ANKRD17: variants seen among roughly 807,000 people sequenced by gnomAD.
The protein encoded by ANKRD17 is ankyrin repeat domain 17.
ANKRD17 carries 19 observed loss-of-function variants against 229.7 expected under a neutral mutation model. The observed-to-expected ratio is 0.08, with a 90% CI of 0.06 to 0.12. ANKRD17 has a LOEUF of 0.12. Among genes scored for constraint, ANKRD17 ranks in the 10% least tolerant of loss-of-function variants. ANKRD17 has a pLI of 1.00. For missense variants in ANKRD17, 2,176 were observed against 3,176.8 expected (o/e 0.68, Z 7.57); for synonymous variants, 1,112 against 1,146.1 (o/e 0.97, Z 0.60).
intron 1 of ANKRD17, among the ~76,000 whole-genome samples, chr4:73,187,459 G>C (rs537791370): frequency 6.6e-6 from 1 of 152,160 alleles, no homozygotes; most frequent in East Asian, 1.9e-4. Flanking sequence ...ACATAAGGCC[G>C]AGTCACATTT....
intron 10 of ANKRD17, among the ~76,000 whole-genome samples, chr4:73,145,422 C>T (rs1050147476): frequency 3.3e-5 from 5 of 152,096 alleles, no homozygotes; most frequent in Non-Finnish European, 7.4e-5. Flanking sequence ...AGGATGGAGA[C>T]TCTACTGCAT....
intron 1 of ANKRD17, among the ~76,000 whole-genome samples, chr4:73,233,582 T>C (rs1436145803): frequency 2.6e-5 from 4 of 152,164 alleles, no homozygotes; most frequent in Non-Finnish European, 5.9e-5. Flanking sequence ...AGGCCCAAGA[T>C]TGCCACAGCA....
intron 1 of ANKRD17, among the ~76,000 whole-genome samples, chr4:73,177,743 T>C (rs1734930143): frequency 6.6e-6 from 1 of 152,184 alleles, no homozygotes; most frequent in South Asian, 2.1e-4. Context: ...AATTCAAAAC[T>C]TTATTTCTCA....
chr4:73,208,631 A>T (rs933616660), intron 1 of ANKRD17, among the ~76,000 whole-genome samples: 2 of 152,214 alleles, frequency 1.3e-5, no homozygotes, highest in Non-Finnish European at 2.9e-5. Context: ...GGCATTAGAG[A>T]TCAATCCTCC....
At chr4:73,129,610 A>G (rs114947248) in intron 16 of ANKRD17, among the ~76,000 whole-genome samples, 2,744 of 152,078 alleles carry the variant, frequency 0.018, 38 homozygotes, top group Non-Finnish European at 0.026. Context: ...ATAGCTACTC[A>G]TGAGTTTGGG....
intron 1 of ANKRD17, among the ~76,000 whole-genome samples, chr4:73,187,201 T>A (rs915874057): frequency 7.9e-5 from 12 of 152,162 alleles, no homozygotes; most frequent in African/African-American, 2.9e-4. Context: ...ATAATGAAAT[T>A]TTTTTAGGTA....
intron 16 of ANKRD17, among the ~76,000 whole-genome samples, chr4:73,126,228 C>T (rs1045821428): frequency 6.6e-6 from 1 of 152,120 alleles, no homozygotes; most frequent in African/African-American, 2.4e-5. Context: ...CTCAAATCTT[C>T]AGCTGAGTTT....
intron 23 of ANKRD17, among the ~76,000 whole-genome samples, chr4:73,114,584 C>T (rs1210092637): frequency 6.6e-6 from 1 of 152,092 alleles, no homozygotes; most frequent in African/African-American, 2.4e-5. Flanking sequence ...CTCAGCCTCC[C>T]AAGTACATGA....
At chr4:73,134,456 A>C (rs1238464903) in intron 16 of ANKRD17, among the ~76,000 whole-genome samples, 2 of 152,200 alleles carry the variant, frequency 1.3e-5, no homozygotes, top group East Asian at 3.8e-4. Context: ...ACTTTTCTTC[A>C]GGATAAAACA....
chr4:73,118,271 T>G (rs565351099), intron 22 of ANKRD17, among the ~76,000 whole-genome samples: 45 of 152,232 alleles, frequency 3.0e-4, no homozygotes, highest in Non-Finnish European at 5.7e-4. Context: ...TGAGCCACCA[T>G]GCGTGGCACA....
At chr4:73,173,819 C>T (rs1734357082) in intron 2 of ANKRD17, among the ~76,000 whole-genome samples, 1 of 152,080 alleles carries the variant, frequency 6.6e-6, no homozygotes, top group Admixed American at 6.5e-5. Flanking sequence ...GTCTCCAGCT[C>T]GAGCCCAGGG....
chr4:73,182,051 CAAAAAAAAAAAAAAAAAAA>C (rs143812968), intron 1 of ANKRD17, among the ~76,000 whole-genome samples: 133 of 43,254 alleles, frequency 3.1e-3, no homozygotes, highest in African/African-American at 0.013. Flanking sequence ...CCGTCCCCAC[CAAAAAAAAAAAAAAAAAAA>C]AAAAAAAAAA....
rs1239107374 is a variant in ANKRD17, at chr4:73,224,868, ACTT to A, written c.393+33405_393+33407del. On this transcript the variant is annotated intron_variant, in intron 1 of 33. Coordinates refer to ENST00000358602, the MANE Select transcript of ANKRD17 (RefSeq NM_032217.5). ...GTCCATATCCAGAATCATCAACTAT[ACTT>A]CTTCCCTGTGATAATCTCATTTTAC... Among the ~76,000 whole-genome samples the A allele has an allele frequency of 2.6e-5, 4 of 152,220 alleles. No individual in the cohort carries two copies. The East Asian group carries it at 7.7e-4, about 29-fold the overall frequency.
chr4:73,175,418 A>G (rs766980350), intron 2 of ANKRD17, among the ~76,000 whole-genome samples: 2 of 152,170 alleles, frequency 1.3e-5, no homozygotes, highest in Non-Finnish European at 2.9e-5. Context: ...TCAAGGTAAG[A>G]TTTTGGTGGG....
intron 1 of ANKRD17, among the ~76,000 whole-genome samples, chr4:73,201,482 G>A (rs953577567): frequency 1.2e-4 from 18 of 151,858 alleles, no homozygotes; most frequent in South Asian, 6.3e-4. Context: ...TAAACAGTGC[G>A]TGAGGAAAAA....
At chr4:73,176,419 T>C (rs1420426095) in intron 2 of ANKRD17, among the ~76,000 whole-genome samples, 2 of 152,046 alleles carry the variant, frequency 1.3e-5, no homozygotes, top group Admixed American at 6.6e-5. Flanking sequence ...AAAATAGAGC[T>C]ACCACATGAC....
rs1175233516 is a variant in ANKRD17, at chr4:73,258,621, T to G, written c.48A>C (p.Gly16=). ...CCGCCACCGCCGGGGGGCTCCCTTC[T>G]CCTTCTGCAGCCGTCGCCGCCGCCA... ...VPVAAATAAE[G]EGSPPAVAAV... is the part of the protein sequence containing the mutation. Residue 16 remains glycine, a synonymous_variant, in exon 1 of 34, where the codon GGA becomes GGC. Transcript: ENST00000358602. The G allele has an allele frequency of 6.7e-7, 1 of 1,487,590 alleles. No individual in the cohort carries two copies. The highest frequency in any genetic ancestry group is 8.9e-7 in the Non-Finnish European group (1 of 1,128,302). 92.1% of individuals were successfully genotyped at this position (1,487,590 alleles called of 1,614,324 possible). A position where few individuals can be genotyped will look rare whatever the true frequency, so the allele number is the denominator to read the frequency against.
At chr4:73,251,191 T>G (rs1412068435) in intron 1 of ANKRD17, among the ~76,000 whole-genome samples, 1 of 152,208 alleles carries the variant, frequency 6.6e-6, no homozygotes, top group Non-Finnish European at 1.5e-5. Flanking sequence ...AGTTATGCTT[T>G]CAATAATTAG....
intron 1 of ANKRD17, among the ~76,000 whole-genome samples, chr4:73,257,564 T>A (rs1445717848): frequency 6.6e-6 from 1 of 152,232 alleles, no homozygotes; most frequent in Non-Finnish European, 1.5e-5. Flanking sequence ...AAGGATCAAA[T>A]ATATTTTTCA....
Sources: gnomAD v4.1 joint callset for allele counts (sites outside exome capture counted in the v4.1 genomes callset) on GRCh38, gnomAD v4.1.1 for gene constraint, MANE v1.5 for transcripts, NCBI Gene and HGNC (gene_info 2026-07-23, HGNC 2026-07-21) for gene names.